RAB38: variants seen among roughly 807,000 people sequenced by gnomAD.
The protein encoded by RAB38 is ras-related protein Rab-38.
A neutral mutation model predicts 18.4 loss-of-function variants in RAB38; 15 were observed. That is an observed-to-expected ratio of 0.82 (90% CI 0.55 to 1.26). RAB38 has a LOEUF of 1.26. RAB38 is among the 50% of genes most tolerant of loss of function. The pLI is 0.00. For missense variants in RAB38, 294 were observed against 267.4 expected (o/e 1.10, Z -0.69); for synonymous variants, 101 against 104.4 (o/e 0.97, Z 0.20).
At chr11:88,004,580 T>C in the RAB38 span, among the ~76,000 whole-genome samples, 1 of 151,270 alleles carries the variant, frequency 6.6e-6, no homozygotes, top group Non-Finnish European at 1.5e-5. Flanking sequence ...AGGGCAAGCA[T>C]TGTCGGTACT....
the RAB38 span, among the ~76,000 whole-genome samples, chr11:88,041,390 G>A: frequency 6.6e-6 from 1 of 152,068 alleles, no homozygotes; most frequent in Admixed American, 6.5e-5. Context: ...CCTTGCATCT[G>A]TTTTGTTAAA....
intron 2 of RAB38, among the ~76,000 whole-genome samples, chr11:88,126,935 G>A (rs999349459): frequency 2.0e-5 from 3 of 152,126 alleles, no homozygotes; most frequent in African/African-American, 7.2e-5. Context: ...AAAGCACTTG[G>A]AAAACAATAC....
the RAB38 span, among the ~76,000 whole-genome samples, chr11:87,811,105 G>C: frequency 6.6e-6 from 1 of 152,294 alleles, no homozygotes; most frequent in African/African-American, 2.4e-5. Context: ...CTTAGGCTGG[G>C]TTTCCTGCAT....
chr11:88,052,935 T>TATATCTC, the RAB38 span, among the ~76,000 whole-genome samples: 1 of 85,790 alleles, frequency 1.2e-5, no homozygotes, highest in African/African-American at 5.2e-5. Context: ...TATATATATA[T>TATATCTC]ATATATATAA....
the RAB38 span, among the ~76,000 whole-genome samples, chr11:88,043,986 TCTCA>T: frequency 6.6e-6 from 1 of 152,116 alleles, no homozygotes; most frequent in Non-Finnish European, 1.5e-5. Flanking sequence ...CTCCAACCTC[TCTCA>T]CTATCCCTCA....
the RAB38 span, among the ~76,000 whole-genome samples, chr11:88,025,209 A>G: frequency 6.7e-6 from 1 of 148,628 alleles, no homozygotes; most frequent in Non-Finnish European, 1.5e-5. Context: ...TATTATAATT[A>G]TATTGTGTAT....
At chr11:87,873,484 C>A in the RAB38 span, among the ~76,000 whole-genome samples, 1 of 151,472 alleles carries the variant, frequency 6.6e-6, no homozygotes, top group Non-Finnish European at 1.5e-5. Flanking sequence ...TTATTTCATT[C>A]ATGGATTATG....
chr11:88,085,280 A>G, the RAB38 span, among the ~76,000 whole-genome samples: 1 of 151,934 alleles, frequency 6.6e-6, no homozygotes, highest in South Asian at 2.1e-4. Context: ...TCCAACTGAC[A>G]GCCATAAGGC....
chr11:88,132,779 G>A (rs547044259), intron 2 of RAB38, among the ~76,000 whole-genome samples: 1 of 152,032 alleles, frequency 6.6e-6, no homozygotes, highest in South Asian at 2.1e-4. Flanking sequence ...ACTTTTAAGG[G>A]TAAAAATAAT....
chr11:87,972,907 C>T, the RAB38 span, among the ~76,000 whole-genome samples: 7 of 152,014 alleles, frequency 4.6e-5, no homozygotes, highest in South Asian at 8.3e-4. Flanking sequence ...TTCCCCCTTG[C>T]TGTTCTTATG....
At chr11:88,028,835 T>C in the RAB38 span, among the ~76,000 whole-genome samples, 1 of 152,094 alleles carries the variant, frequency 6.6e-6, no homozygotes, top group South Asian at 2.1e-4. Flanking sequence ...ACTTCCCCAA[T>C]CTAGCAAGGC....
the RAB38 span, among the ~76,000 whole-genome samples, chr11:87,951,494 T>A: frequency 6.9e-6 from 1 of 145,920 alleles, no homozygotes; most frequent in Non-Finnish European, 1.5e-5. Context: ...TTCTGGTTTT[T>A]CTGCTCTGTT....
the RAB38 span, among the ~76,000 whole-genome samples, chr11:88,073,009 A>G: frequency 6.6e-6 from 1 of 152,178 alleles, no homozygotes; most frequent in Non-Finnish European, 1.5e-5. Flanking sequence ...TATATCTGTG[A>G]TACCACTACC....
the RAB38 span, among the ~76,000 whole-genome samples, chr11:88,030,559 T>C: frequency 7.2e-5 from 11 of 152,068 alleles, no homozygotes; most frequent in African/African-American, 1.9e-4. Flanking sequence ...AACCACCGAT[T>C]CCACAGAAAT....
the RAB38 span, among the ~76,000 whole-genome samples, chr11:87,946,011 C>A: frequency 2.6e-5 from 4 of 151,996 alleles, no homozygotes; most frequent in Non-Finnish European, 4.4e-5. Flanking sequence ...AAGCTGAGGC[C>A]CAGAGAAAGT....
chr11:88,008,334 C>T, the RAB38 span, among the ~76,000 whole-genome samples: 1 of 151,824 alleles, frequency 6.6e-6, no homozygotes, highest in Non-Finnish European at 1.5e-5. Context: ...AATAATGAGT[C>T]GGTATTAATT....
At chr11:88,040,847 A>G in the RAB38 span, among the ~76,000 whole-genome samples, 1 of 152,248 alleles carries the variant, frequency 6.6e-6, no homozygotes, top group South Asian at 2.1e-4. Flanking sequence ...AACACTTGCC[A>G]TGTTGCACGA....
At chr11:87,910,827 G>T in the RAB38 span, among the ~76,000 whole-genome samples, 1 of 151,712 alleles carries the variant, frequency 6.6e-6, no homozygotes. Context: ...AGTAGAGACG[G>T]GGTTTCACCA....
chr11:87,977,813 T>A, the RAB38 span, among the ~76,000 whole-genome samples: 2 of 109,750 alleles, frequency 1.8e-5, no homozygotes, highest in South Asian at 5.9e-4. Flanking sequence ...GAGTTATATA[T>A]TAAATATATG....
Sources: allele counts gnomAD v4.1 joint callset (sites outside exome capture counted in the v4.1 genomes callset), GRCh38; gene constraint gnomAD v4.1.1; transcripts MANE v1.5; gene names NCBI Gene and HGNC (gene_info 2026-07-23, HGNC 2026-07-21).